Variants in SMC5 observed in about 807,000 individuals in gnomAD.
The protein encoded by SMC5 is structural maintenance of chromosomes 5, also known as structural maintenance of chromosomes protein 5.
Under a neutral mutation model 148.3 loss-of-function variants are expected in SMC5, and 88 were observed. That is an observed-to-expected ratio of 0.59 (90% confidence interval 0.50 to 0.71). The LOEUF (loss-of-function observed/expected upper bound fraction) is 0.71, where lower values mean the gene tolerates loss of function less well. Among genes scored for constraint, SMC5 ranks in the 30% least tolerant of loss-of-function variants. The probability of loss-of-function intolerance (pLI) is 0.00; values close to 1 mark genes in which losing one functional copy is unlikely to be tolerated. For synonymous variants in SMC5, 421 were observed against 432.8 expected (o/e 0.97, Z 0.34); for missense variants, 1,142 against 1,298.9 (o/e 0.88, Z 1.86).
intron 9 of SMC5, 139 bp downstream of exon 9, chr9:70,298,360 C>A: frequency 2.3e-6 from 2 of 876,080 alleles, no homozygotes; most frequent in Non-Finnish European, 3.4e-6. Flanking sequence ...GTTCTTCCAA[C>A]TTCATACCTT....
chr9:70,346,597 C>T lies in SMC5; in HGVS notation c.2524-8C>T. On this transcript the variant is annotated splice_polypyrimidine_tract_variant and splice_region_variant and intron_variant, in intron 18 of 24. Transcript: ENST00000361138. Reference sequence around the variant, plus strand: ...CCCACATATTCTGGACCCATTCTACCAATTCAGCAAGTACCCACCATTCCA... The same window carrying T: ...CCCACATATTCTGGACCCATTCTACTAATTCAGCAAGTACCCACCATTCCA... 1 of 1,613,790 alleles carries T rather than the reference C, an allele frequency of 6.2e-7. No individual in the cohort carries two copies. The highest frequency in any genetic ancestry group is 8.5e-7 in the Non-Finnish European group (1 of 1,179,758).
chr9:70,350,183 A>T lies in SMC5; in HGVS notation c.2959A>T (p.Thr987Ser). The T allele has an allele frequency of 6.2e-7, 1 of 1,613,412 alleles. No homozygotes were observed. Among genetic ancestry groups the T allele is most frequent in the Non-Finnish European group, 8.5e-7 (1 of 1,179,658 alleles). Residue 987 changes from threonine to serine, a missense_variant, in exon 23 of 25, where the codon ACT becomes TCT. By Grantham distance (58) the Thr-to-Ser change is moderately conservative (BLOSUM62 1). Transcript: ENST00000361138. ...FRSSTQLHEL[T>S]PHHQSGGERS... Reference sequence around the variant, plus strand: ...AAGTAGTACTCAACTGCATGAATTAACTCCTCATCATCAAAGTGGAGGTGA... The same window carrying T: ...AAGTAGTACTCAACTGCATGAATTATCTCCTCATCATCAAAGTGGAGGTGA...
intron 8 of SMC5, among the ~76,000 whole-genome samples, chr9:70,287,784 A>G (rs1220229321): frequency 1.3e-5 from 2 of 152,174 alleles, no homozygotes. Context: ...ATTGCATTCT[A>G]TGTGATGTTG....
At chr9:70,283,788 T>G (rs1379384119) in intron 7 of SMC5, among the ~76,000 whole-genome samples, 3 of 152,050 alleles carry the variant, frequency 2.0e-5, no homozygotes, top group Admixed American at 2.0e-4. Flanking sequence ...GTTATGAACT[T>G]AGCAGTATTT....
At chr9:70,279,409 C>T (rs1025754703) in intron 5 of SMC5, among the ~76,000 whole-genome samples, 1 of 152,178 alleles carries the variant, frequency 6.6e-6, no homozygotes. Context: ...ACTTCCCGCA[C>T]TTGGGATGCT....
intron 1 of SMC5, 147 bp from the exon 2 acceptor site, chr9:70,264,157 A>G (rs2034211315): frequency 1.7e-6 from 1 of 571,712 alleles, no homozygotes; most frequent in East Asian, 3.1e-5. Context: ...TTCTTTCTAA[A>G]GTTGTTTATT....
intron 17 of SMC5, among the ~76,000 whole-genome samples, chr9:70,340,322 A>G (rs963065529): frequency 2.0e-5 from 3 of 151,908 alleles, no homozygotes; most frequent in African/African-American, 4.8e-5. Flanking sequence ...TTTGAAGAAA[A>G]CATTTTACAA....
chr9:70,278,485 C>T lies in SMC5; in HGVS notation c.544-6C>T, dbSNP rs1280377819. ...TAGTTGCTGATATTTAATTTTTGTG[C>T]TCTAGGACAAAGTTGGAGAATTTGC... On this transcript the variant is annotated splice_region_variant and splice_polypyrimidine_tract_variant and intron_variant, in intron 4 of 24. Coordinates refer to ENST00000361138, the MANE Select transcript of SMC5 (RefSeq NM_015110.4). The T allele has an allele frequency of 6.2e-7, 1 of 1,601,156 alleles. No individual in the cohort carries two copies. The highest frequency in any genetic ancestry group is 1.7e-4 in the Middle Eastern group (1 of 6,024).
At chr9:70,261,472 G>T (rs1414638967) in intron 1 of SMC5, among the ~76,000 whole-genome samples, 3 of 152,226 alleles carry the variant, frequency 2.0e-5, no homozygotes, top group Non-Finnish European at 4.4e-5. Context: ...AAGAGCCTTA[G>T]CTAATTGATC....
At chr9:70,348,678 C>G (rs2036729351) in intron 22 of SMC5, among the ~76,000 whole-genome samples, 1 of 150,702 alleles carries the variant, frequency 6.6e-6, no homozygotes, top group Non-Finnish European at 1.5e-5. Context: ...GCAACAAAAC[C>G]AGACCTTGTC....
chr9:70,325,832 A>G (rs2036063820), intron 17 of SMC5, among the ~76,000 whole-genome samples: 1 of 152,152 alleles, frequency 6.6e-6, no homozygotes, highest in South Asian at 2.1e-4. Flanking sequence ...AGATATTCAA[A>G]ATTATTTATA....
In SMC5 at chr9:70,349,894, A is replaced by T. The variant is rs143435148; in HGVS notation, c.2890-220A>T. ...TTTAATCTGAATAATTTCCTTATCT[A>T]AATAGTTCTTTGAAAACCCTTAAAG... On this transcript the variant is annotated intron_variant, in intron 22 of 24. Transcript: ENST00000361138. Among the ~76,000 whole-genome samples, 88 of 152,342 alleles carry T rather than the reference A, an allele frequency of 5.8e-4. 1 individual carries two copies. In the East Asian group the frequency reaches 0.016, roughly 27 times the overall value.
chr9:70,348,327 A>G lies in SMC5; in HGVS notation c.2889+289A>G, dbSNP rs1455737328. Among the ~76,000 whole-genome samples, 4 of 151,932 alleles carry G rather than the reference A, an allele frequency of 2.6e-5. No individual in the cohort carries two copies. The East Asian group carries it at 7.7e-4, about 29-fold the overall frequency. On this transcript the variant is annotated intron_variant, in intron 22 of 24. Coordinates refer to ENST00000361138, the MANE Select transcript of SMC5 (RefSeq NM_015110.4). ...TACGTTATAAAGCTACCACAGCTGG[A>G]GTTAGAAGACTCAAACAGATTAGTT...
chr9:70,334,292 TA>T (rs758717359), intron 17 of SMC5, among the ~76,000 whole-genome samples: 58 of 152,166 alleles, frequency 3.8e-4, no homozygotes, highest in Admixed American at 1.4e-3. Context: ...ATGTAAGAGC[TA>T]AAATTATAAA....
At chr9:70,293,895 G>A (rs1368961543) in intron 8 of SMC5, among the ~76,000 whole-genome samples, 1 of 152,080 alleles carries the variant, frequency 6.6e-6, no homozygotes, top group African/African-American at 2.4e-5. Context: ...CAGAATTTTG[G>A]TAAATTAATT....
intron 17 of SMC5, among the ~76,000 whole-genome samples, chr9:70,341,678 G>GC (rs1440979042): frequency 5.3e-5 from 8 of 152,114 alleles, no homozygotes; most frequent in Admixed American, 5.2e-4. Context: ...TCACCTGAGG[G>GC]CCCGCTTAAT....
At chr9:70,327,409 A>G (rs527707536) in intron 17 of SMC5, among the ~76,000 whole-genome samples, 1 of 152,314 alleles carries the variant, frequency 6.6e-6, no homozygotes, top group South Asian at 2.1e-4. Flanking sequence ...ATAAAATAAT[A>G]TTGGTCACTT....
rs962862471 is a variant in SMC5, at chr9:70,346,664, T to C, written c.2568+15T>C. The C allele has an allele frequency of 3.1e-6, 5 of 1,613,720 alleles. No individual in the cohort carries two copies. Among genetic ancestry groups the C allele is most frequent in the Middle Eastern group, 1.6e-4 (1 of 6,084 alleles). On this transcript the variant is annotated intron_variant, in intron 19 of 24. Transcript: ENST00000361138. ...CACTCCCCATGGTATGCAGTACTCA[T>C]TCTTTTTTCCCAAGCTCCTGTTTTC...
chr9:70,326,463 T>C (rs913454299), intron 17 of SMC5, among the ~76,000 whole-genome samples: 2 of 152,114 alleles, frequency 1.3e-5, no homozygotes, highest in South Asian at 4.1e-4. Flanking sequence ...TATGCAGTGA[T>C]ATATATATTC....
Sources: allele counts gnomAD v4.1 joint callset (sites outside exome capture counted in the v4.1 genomes callset), GRCh38; gene constraint gnomAD v4.1.1; transcripts MANE v1.5; gene names NCBI Gene and HGNC (gene_info 2026-07-23, HGNC 2026-07-21).